The following GARIN5A variants were observed in gnomAD, a reference collection of about 807,000 sequenced individuals.
GARIN5A encodes the protein golgi associated RAB2 interactor 5A, also known as Golgi-associated RAB2 interactor protein 5A.
the GARIN5A span, among the ~76,000 whole-genome samples, chr19:50,469,389 G>A: frequency 3.3e-4 from 50 of 152,210 alleles, no homozygotes; most frequent in South Asian, 9.1e-3. Flanking sequence ...AGTCCTTTCC[G>A]GTCTGACGGA....
chr19:50,475,281 G>C, the GARIN5A span: 3 of 1,535,224 alleles, frequency 2.0e-6, no homozygotes, highest in Non-Finnish European at 1.8e-6. Context: ...CAGGTGCCTG[G>C]AGCTGAGGGA....
chr19:50,475,598 T>C, the GARIN5A span: 2 of 829,340 alleles, frequency 2.4e-6, no homozygotes, highest in African/African-American at 3.4e-5. Context: ...ATCTTGAAAT[T>C]AAAGTTCAAG....
At chr19:50,475,997 G>T in the GARIN5A span, 2 of 1,602,884 alleles carry the variant, frequency 1.2e-6, no homozygotes, top group Non-Finnish European at 8.5e-7. Context: ...GCTGTGCCTG[G>T]CTTCCCAACT....
the GARIN5A span, among the ~76,000 whole-genome samples, chr19:50,472,211 T>C: frequency 3.5e-5 from 5 of 144,794 alleles, no homozygotes; most frequent in Middle Eastern, 3.6e-3. Context: ...TGTATATACA[T>C]GTGTGTATGT....
At chr19:50,473,231 A>C in the GARIN5A span, among the ~76,000 whole-genome samples, 2 of 152,152 alleles carry the variant, frequency 1.3e-5, no homozygotes, top group African/African-American at 4.8e-5. Context: ...CAGAGAAGGA[A>C]CTGTGGACCT....
chr19:50,472,747 T>G, the GARIN5A span, among the ~76,000 whole-genome samples: 1 of 151,300 alleles, frequency 6.6e-6, no homozygotes, highest in Non-Finnish European at 1.5e-5. Context: ...ATACAAAAAT[T>G]AGCCAGGTGT....
At chr19:50,467,421 TC>T in the GARIN5A span, 1 of 613,454 alleles carries the variant, frequency 1.6e-6, no homozygotes, top group Non-Finnish European at 2.8e-6. Flanking sequence ...GACCCAGGAG[TC>T]CAGGACCCCA....
the GARIN5A span, chr19:50,476,659 G>A: frequency 6.6e-7 from 1 of 1,519,392 alleles, no homozygotes; most frequent in Non-Finnish European, 8.8e-7. Flanking sequence ...TGCGCGAGGG[G>A]TGAGTGCTCT....
chr19:50,476,325 T>A, the GARIN5A span: 1 of 1,589,226 alleles, frequency 6.3e-7, no homozygotes, highest in Non-Finnish European at 8.6e-7. Context: ...AGCGGGCTCC[T>A]GATTTGTGAT....
At chr19:50,476,265 C>A in the GARIN5A span, 1 of 1,610,270 alleles carries the variant, frequency 6.2e-7, no homozygotes, top group Non-Finnish European at 8.5e-7. Flanking sequence ...GGCGGGACTA[C>A]GCGCACTGTG....
At chr19:50,472,293 A>G in the GARIN5A span, among the ~76,000 whole-genome samples, 6 of 145,948 alleles carry the variant, frequency 4.1e-5, no homozygotes, top group African/African-American at 1.1e-4. Context: ...GTATGTGTGT[A>G]TATATGTATA....
the GARIN5A span, among the ~76,000 whole-genome samples, chr19:50,472,588 T>C: frequency 3.9e-5 from 6 of 152,052 alleles, no homozygotes; most frequent in Non-Finnish European, 7.4e-5. Flanking sequence ...ATTGGTGAAA[T>C]ACAGTTAGCA....
the GARIN5A span, among the ~76,000 whole-genome samples, chr19:50,472,044 ATGTATATATACGTGTGTGTATATG>A: frequency 3.5e-3 from 500 of 144,834 alleles, 7 homozygotes; most frequent in East Asian, 0.027. Context: ...GTGTGTGTAT[ATGTATATATACGTGTGTGTATATG>A]TGTATATATA....
chr19:50,475,161 C>T, the GARIN5A span: 2 of 1,090,816 alleles, frequency 1.8e-6, no homozygotes, highest in Non-Finnish European at 2.5e-6. Flanking sequence ...CCCCTGAGGG[C>T]TGCTCTGTCC....
chr19:50,476,035 A>G, the GARIN5A span: 2 of 1,604,560 alleles, frequency 1.2e-6, no homozygotes, highest in African/African-American at 1.3e-5. Flanking sequence ...CCCCGCGGAG[A>G]GGACGGGGTA....
the GARIN5A span, among the ~76,000 whole-genome samples, chr19:50,474,529 TAG>T: frequency 6.6e-6 from 1 of 152,084 alleles, no homozygotes; most frequent in Non-Finnish European, 1.5e-5. Context: ...GTATTTTTAG[TAG>T]AGACGGGGTT....
chr19:50,467,830 C>T, the GARIN5A span: 1 of 1,612,802 alleles, frequency 6.2e-7, no homozygotes. Flanking sequence ...GGGGAACAGC[C>T]TGGGTGGGAG....
At chr19:50,472,192 A>ATGTATACG in the GARIN5A span, among the ~76,000 whole-genome samples, 1 of 107,096 alleles carries the variant, frequency 9.3e-6, no homozygotes, top group African/African-American at 4.0e-5. Flanking sequence ...GTATACATGT[A>ATGTATACG]TGTGTGCATG....
the GARIN5A span, among the ~76,000 whole-genome samples, chr19:50,472,271 G>GTA: frequency 9.8e-6 from 1 of 102,538 alleles, no homozygotes; most frequent in Non-Finnish European, 1.7e-5. Flanking sequence ...GTGTATATAT[G>GTA]TATATATACA....
Sources: gnomAD v4.1 joint callset for allele counts (sites outside exome capture counted in the v4.1 genomes callset) on GRCh38, gnomAD v4.1.1 for gene constraint, MANE v1.5 for transcripts, NCBI Gene and HGNC (gene_info 2026-07-23, HGNC 2026-07-21) for gene names.